Variants in ELAVL4 observed in about 807,000 individuals in gnomAD.
ELAVL4 encodes ELAV-like protein 4.
In ELAVL4, 1 loss-of-function variant was observed where a neutral mutation model predicts 35.6. That is an observed-to-expected ratio of 0.03 (90% CI 0.01 to 0.13). The LOEUF (loss-of-function observed/expected upper bound fraction) is 0.13, where lower values mean the gene tolerates loss of function less well. ELAVL4 is among the 10% of genes least tolerant of loss of function. The pLI, the probability that ELAVL4 is intolerant of heterozygous loss-of-function variation, is 1.00. For synonymous variants in ELAVL4, 156 were observed against 171.0 expected (o/e 0.91, Z 0.69); for missense variants, 267 against 464.9 (o/e 0.57, Z 3.91).
intron 2 of ELAVL4, among the ~76,000 whole-genome samples, chr1:50,146,061 A>G (rs1225806120): frequency 6.6e-6 from 1 of 152,160 alleles, no homozygotes; most frequent in South Asian, 2.1e-4. Context: ...TCCTGAAATC[A>G]TTCATATCCA....
intron 1 of ELAVL4, among the ~76,000 whole-genome samples, chr1:50,065,823 C>T (rs1664234357): frequency 6.6e-6 from 1 of 152,026 alleles, no homozygotes; most frequent in Admixed American, 6.6e-5. Context: ...TCACATGTGT[C>T]GGGGTTGAGG....
chr1:50,115,056 GTC>G (rs375856699), intron 1 of ELAVL4: 58 of 148,458 alleles, frequency 3.9e-4, no homozygotes, highest in East Asian at 1.8e-3. Flanking sequence ...CCGTCTCTCT[GTC>G]TCTCTCTCTC....
chr1:50,187,722 G>A (rs1572594307), intron 3 of ELAVL4, among the ~76,000 whole-genome samples: 1 of 152,132 alleles, frequency 6.6e-6, no homozygotes, highest in Non-Finnish European at 1.5e-5. Flanking sequence ...ATGGCCCTGG[G>A]GTGTGAAGCT....
chr1:50,109,016 C>CGGCGGCG lies in ELAVL4; in HGVS notation c.-174_-173insGGCGGCG. On this transcript the variant is annotated 5_prime_UTR_variant, in exon 1 of 7. Transcript: ENST00000371824. Reference sequence around the variant, plus strand: ...CTCCTTTTCTTTTTTTTCTTTCTCTCCCCCGCCCACCCCCCCAAAAATAAT... The same window carrying CGGCGGCG: ...CTCCTTTTCTTTTTTTTCTTTCTCTCGGCGGCGCCCCGCCCACCCCCCCAAAAATAAT... 2 of 905,792 alleles carry CGGCGGCG rather than the reference C, an allele frequency of 2.2e-6. No homozygotes were observed. The highest frequency in any genetic ancestry group is 2.6e-6 in the Non-Finnish European group (2 of 761,406). 56.1% of individuals were successfully genotyped at this position (905,792 alleles called of 1,614,324 possible).
At chr1:50,186,523 C>T (rs1428253448) in intron 3 of ELAVL4, among the ~76,000 whole-genome samples, 4 of 152,084 alleles carry the variant, frequency 2.6e-5, no homozygotes, top group Non-Finnish European at 4.4e-5. Flanking sequence ...AGAGGAGAGT[C>T]ATTTGTGCCT....
At chr1:50,149,854 G>A (rs1392109756) in intron 2 of ELAVL4, among the ~76,000 whole-genome samples, 2 of 151,992 alleles carry the variant, frequency 1.3e-5, no homozygotes, top group Non-Finnish European at 2.9e-5. Flanking sequence ...AGTGTACTTT[G>A]TTTTTGAGGA....
At chr1:50,174,596 G>A (rs1267073542) in intron 2 of ELAVL4, 1 of 151,890 alleles carries the variant, frequency 6.6e-6, no homozygotes, top group East Asian at 1.9e-4. Flanking sequence ...TTGCAGTCAG[G>A]AACTAAGGTG....
At chr1:50,078,878 T>A (rs1261415530) in intron 1 of ELAVL4, among the ~76,000 whole-genome samples, 1 of 152,158 alleles carries the variant, frequency 6.6e-6, no homozygotes, top group Admixed American at 6.5e-5. Context: ...TGGCTGTTTA[T>A]GTTTGTGATG....
chr1:50,170,551 A>G (rs1678818133), intron 2 of ELAVL4, among the ~76,000 whole-genome samples: 1 of 152,204 alleles, frequency 6.6e-6, no homozygotes, highest in African/African-American at 2.4e-5. Flanking sequence ...CTTTCTTTCC[A>G]GTGTTTCTCA....
At chr1:50,191,019 T>C (rs1374239172) in intron 3 of ELAVL4, among the ~76,000 whole-genome samples, 1 of 152,250 alleles carries the variant, frequency 6.6e-6, no homozygotes, top group African/African-American at 2.4e-5. Context: ...CTCTGTGTTT[T>C]AGTCACACTC....
At chr1:50,181,926 AC>A (rs1557846338) in intron 3 of ELAVL4, among the ~76,000 whole-genome samples, 1 of 151,854 alleles carries the variant, frequency 6.6e-6, no homozygotes, top group Non-Finnish European at 1.5e-5. Context: ...CAGGTGATCC[AC>A]CCGCCTCAGC....
At chr1:50,057,505 C>A (rs1373549128) in intron 1 of ELAVL4, among the ~76,000 whole-genome samples, 3 of 152,154 alleles carry the variant, frequency 2.0e-5, no homozygotes, top group Non-Finnish European at 4.4e-5. Flanking sequence ...AATTTCCAGC[C>A]CTGCAAGCTC....
intron 1 of ELAVL4, among the ~76,000 whole-genome samples, chr1:50,143,593 T>G (rs906489800): frequency 6.6e-6 from 1 of 152,182 alleles, no homozygotes; most frequent in African/African-American, 2.4e-5. Flanking sequence ...ATGAAGACTC[T>G]TAGGATTTAA....
At chr1:50,050,440 C>T (rs952088870) in intron 1 of ELAVL4, among the ~76,000 whole-genome samples, 2 of 152,112 alleles carry the variant, frequency 1.3e-5, no homozygotes, top group Non-Finnish European at 1.5e-5. Context: ...TCAGAGTGAA[C>T]CTTTATGATC....
intron 1 of ELAVL4, among the ~76,000 whole-genome samples, chr1:50,056,032 T>G (rs1663643421): frequency 6.6e-6 from 1 of 152,206 alleles, no homozygotes; most frequent in Admixed American, 6.5e-5. Flanking sequence ...TTGGCTCTGC[T>G]GCTATTATAA....
upstream of ELAVL4, among the ~76,000 whole-genome samples, chr1:50,104,672 G>A (rs1169205623): frequency 6.6e-6 from 1 of 152,190 alleles, no homozygotes; most frequent in Non-Finnish European, 1.5e-5. Flanking sequence ...ATCTGTGTGT[G>A]TTGGTTTCTG....
At chr1:50,174,164 A>G (rs182062454) in intron 2 of ELAVL4, 5 of 152,312 alleles carry the variant, frequency 3.3e-5, no homozygotes, top group East Asian at 3.9e-4. Flanking sequence ...TTTTCTACAT[A>G]GAGATTTAAT....
At chr1:50,133,752 A>G (rs1345984066) in intron 1 of ELAVL4, among the ~76,000 whole-genome samples, 2 of 152,204 alleles carry the variant, frequency 1.3e-5, no homozygotes, top group Admixed American at 1.3e-4. Context: ...CTCTATCAGA[A>G]TAACATTCAG....
chr1:50,057,719 C>T (rs1474332188), intron 1 of ELAVL4, among the ~76,000 whole-genome samples: 1 of 152,138 alleles, frequency 6.6e-6, no homozygotes, highest in East Asian at 1.9e-4. Context: ...GTCTATACCA[C>T]CTAGGCTTTG....
Sources: gnomAD v4.1 joint callset for allele counts (sites outside exome capture counted in the v4.1 genomes callset) on GRCh38, gnomAD v4.1.1 for gene constraint, MANE v1.5 for transcripts, NCBI Gene and HGNC (gene_info 2026-07-23, HGNC 2026-07-21) for gene names.